MTSS2: variants seen among roughly 807,000 people sequenced by gnomAD.
MTSS2 encodes MTSS I-BAR domain containing 2.
In MTSS2, 27 loss-of-function variants were observed where a neutral mutation model predicts 67.1. That is an observed-to-expected ratio of 0.40 (90% CI 0.30 to 0.55). The LOEUF (loss-of-function observed/expected upper bound fraction) is 0.55. Ranked by LOEUF, MTSS2 falls within the 20% of genes least tolerant of loss-of-function variation. The pLI, the probability that MTSS2 is intolerant of heterozygous loss-of-function variation, is 0.43. For missense variants in MTSS2, 1,171 were observed against 1,067.8 expected (o/e 1.10, Z -1.35); for synonymous variants, 624 against 468.6 (o/e 1.33, Z -4.28).
chr16:70,680,782 G>T lies in MTSS2; in HGVS notation c.205+12C>A. The T allele has an allele frequency of 8.4e-6, 13 of 1,550,710 alleles. No individual in the cohort carries two copies. The highest frequency in any genetic ancestry group is 1.0e-5 in the Non-Finnish European group (12 of 1,147,030). ...TGGGGCAACCCCAACCTCCAGCCACGCGCCTCCCCACCTCGGGTGTTGGTA... is the reference window on the plus strand; with the variant it reads ...TGGGGCAACCCCAACCTCCAGCCACTCGCCTCCCCACCTCGGGTGTTGGTA... On this transcript the variant is annotated intron_variant, in intron 3 of 14. Transcript: ENST00000338779.
chr16:70,663,675 C>G lies in MTSS2; in HGVS notation c.*2G>C. On this transcript the variant is annotated 3_prime_UTR_variant, in exon 15 of 15. Transcript: ENST00000338779. Reference sequence around the variant, plus strand: ...CCTGAGAGGATGGGGAGGGTGGCGCCATCATAAGATGCGGGGCGCCGACCT... The same window carrying G: ...CCTGAGAGGATGGGGAGGGTGGCGCGATCATAAGATGCGGGGCGCCGACCT... The G allele has an allele frequency of 6.4e-7, 1 of 1,572,698 alleles. No individual in the cohort carries two copies. The highest frequency in any genetic ancestry group is 8.6e-7 in the Non-Finnish European group (1 of 1,159,980).
intron 1 of MTSS2, among the ~76,000 whole-genome samples, chr16:70,681,615 A>T (rs2053307575): frequency 6.6e-6 from 1 of 152,234 alleles, no homozygotes; most frequent in African/African-American, 2.4e-5. Context: ...TGCAGGGCCC[A>T]GCTAGCCTGC....
chr16:70,667,615 A>C (rs1343686306), intron 11 of MTSS2, among the ~76,000 whole-genome samples: 1 of 152,048 alleles, frequency 6.6e-6, no homozygotes, highest in African/African-American at 2.4e-5. Flanking sequence ...GCTCACACCT[A>C]TACTCCCAGC....
rs752410498 is a variant in MTSS2, at chr16:70,664,457, C to T, written c.1472-8G>A. On this transcript the variant is annotated splice_region_variant and splice_polypyrimidine_tract_variant and intron_variant, in intron 14 of 14. Coordinates refer to ENST00000338779, the MANE Select transcript of MTSS2 (RefSeq NM_138383.3). ...AGCAGTCGTAGTCGGAGCCTGGGGG[C>T]ACGGGACACAGTGAGGCCCAGGGCC... 2 of 1,536,540 alleles carry T rather than the reference C, an allele frequency of 1.3e-6. No individual in the cohort carries two copies. The highest frequency in any genetic ancestry group is 1.3e-5 in the South Asian group (1 of 78,494).
chr16:70,684,821 C>T (rs1396660540), intron 1 of MTSS2, among the ~76,000 whole-genome samples: 4 of 152,230 alleles, frequency 2.6e-5, no homozygotes, highest in African/African-American at 9.6e-5. Flanking sequence ...TAGGGCAGCC[C>T]TGCCAAACCC....
intron 10 of MTSS2, among the ~76,000 whole-genome samples, chr16:70,675,944 C>T (rs1283385291): frequency 3.9e-5 from 6 of 152,222 alleles, no homozygotes; most frequent in Non-Finnish European, 1.5e-5. Context: ...CCTGGCTAAG[C>T]GTGACCCTGA....
intron 1 of MTSS2, among the ~76,000 whole-genome samples, chr16:70,685,069 C>T (rs2053409931): frequency 1.3e-5 from 2 of 152,064 alleles, no homozygotes; most frequent in Non-Finnish European, 2.9e-5. Flanking sequence ...GTAGGAAAAG[C>T]GCTTCCTTGG....
rs192848333 is a variant in MTSS2, at chr16:70,672,734, C to T, written c.1053+1572G>A. Among the ~76,000 whole-genome samples, 59 of 147,762 alleles carry T rather than the reference C, an allele frequency of 4.0e-4. 1 individual carries two copies. The highest frequency in any genetic ancestry group is 3.0e-5 in the Non-Finnish European group (2 of 67,000). On this transcript the variant is annotated intron_variant, in intron 11 of 14. Coordinates refer to ENST00000338779, the MANE Select transcript of MTSS2 (RefSeq NM_138383.3). ...TGTAAGATAAAACTGAAGAAATGAT[C>T]CAGAATATATCCGGAGAAACAAGGA...
At position 70,664,671 on chromosome 16, in the gene MTSS2, C is replaced by A; in HGVS notation, c.1398G>T (p.Ser466=). Residue 466 remains serine (S), a synonymous_variant, in exon 14 of 15, where the codon TCG becomes TCT. Coordinates refer to ENST00000338779, the MANE Select transcript of MTSS2 (RefSeq NM_138383.3). ...SLEHQKSSRD[S]LQYSSGYSTQ... ...TGCTGTAGCCGCTGGAGTACTGCAGCGAGTCCCGGCTGCTCTTCTGGTGCT... is the reference window on the plus strand; with the variant it reads ...TGCTGTAGCCGCTGGAGTACTGCAGAGAGTCCCGGCTGCTCTTCTGGTGCT... The A allele has an allele frequency of 6.2e-7, 1 of 1,613,330 alleles. No homozygotes were observed. Among genetic ancestry groups the A allele is most frequent in the Non-Finnish European group, 8.5e-7 (1 of 1,179,910 alleles).
At position 70,664,451 on chromosome 16, in the gene MTSS2, TG is replaced by T; in HGVS notation, c.1472-3del. ...CGGAGTAGCAGTCGTAGTCGGAGCC[TG>T]GGGGCACGGGACACAGTGAGGCCCA... On this transcript the variant is annotated splice_polypyrimidine_tract_variant and splice_region_variant and intron_variant, in intron 14 of 14. Transcript: ENST00000338779. 6.5e-7 allele frequency: 1 copy of T among 1,535,926 alleles called. No homozygotes were observed. The highest frequency in any genetic ancestry group is 8.8e-7 in the Non-Finnish European group (1 of 1,142,174).
chr16:70,672,118 T>TG (rs1311284281), intron 11 of MTSS2, among the ~76,000 whole-genome samples: 4 of 151,816 alleles, frequency 2.6e-5, no homozygotes, highest in Non-Finnish European at 4.4e-5. Context: ...GAGGCCGAAG[T>TG]GGGCAGATCA....
At position 70,664,744 on chromosome 16, in the gene MTSS2, G is replaced by A. The variant is rs146665408; in HGVS notation, c.1325C>T (p.Pro442Leu). 1 of 1,612,108 alleles carries A rather than the reference G, an allele frequency of 6.2e-7. No homozygotes were observed. The highest frequency in any genetic ancestry group is 8.5e-7 in the Non-Finnish European group (1 of 1,179,458). ...IAAKHGEEVS[P>L]AASDLAMVLT... ...CACCATGGCCAGGTCACTGGCGGCG[G>A]GGGACACCTCCTCACCGTGCTGAGG... is the stretch of plus-strand genomic sequence containing the variant. The change falls in exon 14 of 15, where the codon CCC (proline) becomes CTC (leucine). Residue 442 changes from proline to leucine, a missense_variant. This residue lies in a region of MTSS2 where 924 missense variants were observed against 756.0 expected (regional missense o/e 1.22). Coordinates refer to ENST00000338779, the MANE Select transcript of MTSS2 (RefSeq NM_138383.3).
rs761129009 is a variant in MTSS2 at position 70,663,886 on chromosome 16, C to T, written c.2035G>A (p.Gly679Arg). 1.3e-6 allele frequency: 2 copies of T among 1,546,924 alleles called. No individual in the cohort carries two copies. The highest frequency in any genetic ancestry group is 1.7e-6 in the Non-Finnish European group (2 of 1,148,020). The change falls in exon 15 of 15, where the codon GGG becomes AGG. Residue 679 changes from glycine to arginine, a missense_variant. Coordinates refer to ENST00000338779, the MANE Select transcript of MTSS2 (RefSeq NM_138383.3). ...ANRHSLVEKL[G>R]ELVAGAHALG... ...GCGTGGGCACCCGCCACCAGCTCCC[C>T]CAGCTTCTCCACCAGGCTGTGCCGG...
In MTSS2 at chr16:70,661,824, C is replaced by T. The variant is rs1234267166; in HGVS notation, c.*1853G>A. 1 of 174,418 alleles carries T rather than the reference C, an allele frequency of 5.7e-6. No individual in the cohort carries two copies. Among genetic ancestry groups the T allele is most frequent in the East Asian group, 1.8e-4 (1 of 5,602 alleles). 10.8% of individuals were successfully genotyped at this position (174,418 alleles called of 1,614,324 possible). Reference sequence around the variant, plus strand: ...CCAGGTCTGCCCACCCACTGCCCCTCACTCTATTCCCACCACATCCTGAAT... The same window carrying T: ...CCAGGTCTGCCCACCCACTGCCCCTTACTCTATTCCCACCACATCCTGAAT... On this transcript the variant is annotated 3_prime_UTR_variant, in exon 15 of 15. Coordinates refer to ENST00000338779, the MANE Select transcript of MTSS2 (RefSeq NM_138383.3).
At chr16:70,671,786 C>T (rs1445962639) in intron 11 of MTSS2, among the ~76,000 whole-genome samples, 2 of 152,178 alleles carry the variant, frequency 1.3e-5, no homozygotes, top group Non-Finnish European at 2.9e-5. Context: ...TCAAGGTGAA[C>T]ATCAGCAGTC....
chr16:70,666,802 C>G (rs555689679), intron 11 of MTSS2, among the ~76,000 whole-genome samples: 7 of 152,170 alleles, frequency 4.6e-5, no homozygotes, highest in Non-Finnish European at 1.0e-4. Context: ...AATACAAAGA[C>G]ACAAGCTGCT....
rs2052564406 is a variant in MTSS2 at position 70,663,380 on chromosome 16, G to A, written c.*297C>T. 4.6e-6 allele frequency: 2 copies of A among 436,560 alleles called. No homozygotes were observed. Among genetic ancestry groups the A allele is most frequent in the Non-Finnish European group, 8.0e-6 (2 of 249,822 alleles). 27.0% of individuals were successfully genotyped at this position (436,560 alleles called of 1,614,324 possible). On this transcript the variant is annotated 3_prime_UTR_variant, in exon 15 of 15. Coordinates refer to ENST00000338779, the MANE Select transcript of MTSS2 (RefSeq NM_138383.3). Reference sequence around the variant, plus strand: ...GTCATGGGCAGCGGCCCTGGCTCTGGTGCTTATGGGTAGGGAAGAGGCAGG... The same window carrying A: ...GTCATGGGCAGCGGCCCTGGCTCTGATGCTTATGGGTAGGGAAGAGGCAGG...
chr16:70,685,896 G>C lies in MTSS2; in HGVS notation c.-105C>G. On this transcript the variant is annotated 5_prime_UTR_variant, in exon 1 of 15. Coordinates refer to ENST00000338779, the MANE Select transcript of MTSS2 (RefSeq NM_138383.3). ...CGGGCGCTCGCTCCGAGGCCGGGCC[G>C]GGCCTCCCGCCTCCAGGCTGCGCTC... 1.4e-5 allele frequency: 7 copies of C among 491,284 alleles called. No homozygotes were observed. The highest frequency in any genetic ancestry group is 1.8e-5 in the Non-Finnish European group (7 of 382,764). The allele number at this position is 491,284 out of a possible 1,614,324, so 30.4% of individuals were successfully genotyped here. A position where few individuals can be genotyped will look rare whatever the true frequency, so the allele number is the denominator to read the frequency against.
intron 11 of MTSS2, among the ~76,000 whole-genome samples, chr16:70,666,159 G>A (rs937907731): frequency 6.6e-6 from 1 of 152,180 alleles, no homozygotes; most frequent in African/African-American, 2.4e-5. Flanking sequence ...GGAGGGAAGA[G>A]GAGAGTCCCG....
Sources: gnomAD v4.1 joint callset for allele counts (sites outside exome capture counted in the v4.1 genomes callset) on GRCh38, gnomAD v4.1.1 for gene constraint, gnomAD v4.1.1 regional missense constraint, MANE v1.5 for transcripts, NCBI Gene and HGNC (gene_info 2026-07-23, HGNC 2026-07-21) for gene names.